Variants in BCL2L2 observed in about 807,000 individuals in gnomAD.
The protein encoded by BCL2L2 is bcl-2-like protein 2.
Under a neutral mutation model 14.6 loss-of-function variants are expected in BCL2L2, and 6 were observed. That is an observed-to-expected ratio of 0.41 (90% CI 0.22 to 0.81). The LOEUF (loss-of-function observed/expected upper bound fraction) is 0.81. BCL2L2 is among the 30% of genes least tolerant of loss of function. BCL2L2 has a pLI of 0.32. For missense variants in BCL2L2, 191 were observed against 260.5 expected, an observed-to-expected ratio of 0.73 and a Z score of 1.84; for synonymous variants, 90 against 108.5, an observed-to-expected ratio of 0.83 and a Z score of 1.06.
chr14:23,307,811 C>T lies in BCL2L2; in HGVS notation c.44C>T (p.Ala15Val). Residue 15 changes from alanine to valine, a missense_variant, in exon 3 of 4, where the codon GCA becomes GTA. Coordinates refer to ENST00000250405, the MANE Select transcript of BCL2L2 (RefSeq NM_004050.5). ...ASAPDTRALV[A>V]DFVGYKLRQK... ...GCCCCAGACACACGGGCTCTGGTGG[C>T]AGACTTTGTAGGTTATAAGCTGAGG... 6.4e-7 allele frequency: 1 copy of T among 1,551,124 alleles called. No individual in the cohort carries two copies. The highest frequency in any genetic ancestry group is 8.7e-7 in the Non-Finnish European group (1 of 1,150,602).
At position 23,309,092 on chromosome 14, in the gene BCL2L2, G is replaced by C; in HGVS notation, c.*127G>C. 8.0e-7 allele frequency: 1 copy of C among 1,256,690 alleles called. No individual in the cohort carries two copies. Among genetic ancestry groups the C allele is most frequent in the East Asian group, 3.1e-5 (1 of 32,410 alleles). The allele number at this position is 1,256,690 out of a possible 1,614,324, so 77.8% of individuals were successfully genotyped here. ...CATGGAACAGGATGGGCAGAGAAAG[G>C]GTAGTGTGTGAGGGAGCTGAGTAGG... On this transcript the variant is annotated 3_prime_UTR_variant, in exon 4 of 4. Coordinates refer to ENST00000250405, the MANE Select transcript of BCL2L2 (RefSeq NM_004050.5).
Position 23,311,055 on chromosome 14 carries a change from A to T in BCL2L2, c.*2090A>T. The T allele has an allele frequency of 7.8e-7, 1 of 1,289,424 alleles. No individual in the cohort carries two copies. The highest frequency in any genetic ancestry group is 1.0e-6 in the Non-Finnish European group (1 of 988,710). The allele number at this position is 1,289,424 out of a possible 1,614,324, so 79.9% of individuals were successfully genotyped here. ...TTCCCCGGGACCTTTAGCCAAGAGG[A>T]GCTGCAGGGACCATGGCCAGGTTAC... On this transcript the variant is annotated 3_prime_UTR_variant, in exon 4 of 4. Transcript: ENST00000250405.
rs1008212938 is a variant in BCL2L2 at position 23,308,706 on chromosome 14, G to A, written c.433-110G>A. 3.3e-6 allele frequency: 3 copies of A among 912,492 alleles called. No individual in the cohort carries two copies. Among genetic ancestry groups the A allele is most frequent in the Non-Finnish European group, 4.5e-6 (3 of 660,390 alleles). The allele number at this position is 912,492 out of a possible 1,614,324, so 56.5% of individuals were successfully genotyped here. On this transcript the variant is annotated intron_variant, in intron 3 of 3. Transcript: ENST00000250405. This position sits in a 1 kb window ranked among gnomAD's most constrained non-coding sequence, Gnocchi z 5.4. ...CCAGAGAGGAGCTGGGTATGGGGTA[G>A]TGCTCGCAGTGGATGGAACTGGAAC...
In BCL2L2 at chr14:23,310,813, A is replaced by G. The variant is rs1887566364; in HGVS notation, c.*1848A>G. 2 of 1,205,174 alleles carry G rather than the reference A, an allele frequency of 1.7e-6. No homozygotes were observed. The highest frequency in any genetic ancestry group is 1.1e-4 in the East Asian group (2 of 17,474). The allele number at this position is 1,205,174 out of a possible 1,614,324, so 74.7% of individuals were successfully genotyped here. A position where few individuals can be genotyped will look rare whatever the true frequency, so the allele number is the denominator to read the frequency against. ...GGGTGGGGAGCTGAGCAGGCTGGGC[A>G]ATTTGCCCTCAAACAGAACAGCTCC... On this transcript the variant is annotated 3_prime_UTR_variant, in exon 4 of 4. Coordinates refer to ENST00000250405, the MANE Select transcript of BCL2L2 (RefSeq NM_004050.5).
Position 23,307,766 on chromosome 14 carries a change from G to T in BCL2L2, c.-2G>T. 1 of 1,521,246 alleles carries T rather than the reference G, an allele frequency of 6.6e-7. No homozygotes were observed. The highest frequency in any genetic ancestry group is 8.8e-7 in the Non-Finnish European group (1 of 1,136,122). 94.2% of individuals were successfully genotyped at this position (1,521,246 alleles called of 1,614,324 possible). On this transcript the variant is annotated 5_prime_UTR_variant, in exon 3 of 4. Coordinates refer to ENST00000250405, the MANE Select transcript of BCL2L2 (RefSeq NM_004050.5). The stretch of plus-strand genomic sequence containing the variant: ...TCATCCTTGCCTCTTATAGCCGCCC[G>T]GATGGCGACCCCAGCCTCGGCCCCA...
chr14:23,308,270 T>A lies in BCL2L2; in HGVS notation c.432+71T>A. 2.0e-6 allele frequency: 3 copies of A among 1,487,138 alleles called. No homozygotes were observed. Among genetic ancestry groups the A allele is most frequent in the Non-Finnish European group, 2.7e-6 (3 of 1,123,842 alleles). The allele number at this position is 1,487,138 out of a possible 1,614,324, so 92.1% of individuals were successfully genotyped here. A position where few individuals can be genotyped will look rare whatever the true frequency, so the allele number is the denominator to read the frequency against. ...TGGTCTCCAGGGGGAAGATGGGGGC[T>A]CTGATTGGAGGCTGAGGCAGCTATG... On this transcript the variant is annotated intron_variant, in intron 3 of 3. Coordinates refer to ENST00000250405, the MANE Select transcript of BCL2L2 (RefSeq NM_004050.5). This position sits in a 1 kb window ranked among gnomAD's most constrained non-coding sequence, Gnocchi z 5.4.
In BCL2L2 at chr14:23,311,577, C is replaced by T. The variant is rs142892590; in HGVS notation, c.*2612C>T. 38 of 985,172 alleles carry T rather than the reference C, an allele frequency of 3.9e-5. No individual in the cohort carries two copies. In the African/African-American group the frequency reaches 4.2e-4, roughly 11 times the overall value. 61.0% of individuals were successfully genotyped at this position (985,172 alleles called of 1,614,324 possible). A position where few individuals can be genotyped will look rare whatever the true frequency, so the allele number is the denominator to read the frequency against. On this transcript the variant is annotated 3_prime_UTR_variant, in exon 4 of 4. Transcript: ENST00000250405. ...ATTTTACTTTTTTAAAATCATAAAA[C>T]GGCAGAACAGATTTGGTTAGTTTAG... is the stretch of plus-strand genomic sequence containing the variant.
At chr14:23,307,555 T>C (rs1887309641) in intron 2 of BCL2L2, among the ~76,000 whole-genome samples, 1 of 152,230 alleles carries the variant, frequency 6.6e-6, no homozygotes, top group South Asian at 2.1e-4. Flanking sequence ...ACATTTAATT[T>C]GGCATATTAG....
Position 23,309,212 on chromosome 14 carries a change from G to T in BCL2L2, c.*247G>T. 8.5e-7 allele frequency: 1 copy of T among 1,170,362 alleles called. No homozygotes were observed. Among genetic ancestry groups the T allele is most frequent in the Non-Finnish European group, 1.1e-6 (1 of 948,996 alleles). The allele number at this position is 1,170,362 out of a possible 1,614,324, so 72.5% of individuals were successfully genotyped here. ...CAGGAGATGTAGTCGTTCCAGGGCT[G>T]GGGGAGGTGGGAGGGATCACGCCTA... On this transcript the variant is annotated 3_prime_UTR_variant, in exon 4 of 4. Coordinates refer to ENST00000250405, the MANE Select transcript of BCL2L2 (RefSeq NM_004050.5).
chr14:23,307,291 C>T lies in BCL2L2; in HGVS notation c.-9+12C>T, dbSNP rs1455754292. 3 of 152,834 alleles carry T rather than the reference C, an allele frequency of 2.0e-5. No homozygotes were observed. The highest frequency in any genetic ancestry group is 4.4e-5 in the Non-Finnish European group (3 of 68,514). The allele number at this position is 152,834 out of a possible 1,614,324, so 9.5% of individuals were successfully genotyped here. On this transcript the variant is annotated intron_variant, in intron 2 of 3. Transcript: ENST00000250405. ...GCCATCCCGGCTGGGTGAGTGTCTC[C>T]TTCCTTTCTCTGTCTGGAGTAACCC...
intron 2 of BCL2L2, 67 bp from the exon 3 acceptor site, chr14:23,307,693 C>T: frequency 6.6e-7 from 1 of 1,505,498 alleles, no homozygotes; most frequent in African/African-American, 1.4e-5. Context: ...GTTGGTCAAA[C>T]CAGAAGTGCT....
Position 23,310,611 on chromosome 14 carries a change from A to C in BCL2L2, c.*1646A>C, listed in dbSNP as rs912391296. The C allele has an allele frequency of 4.6e-6, 5 of 1,091,496 alleles. No homozygotes were observed. In the African/African-American group the frequency reaches 8.6e-5, roughly 19 times the overall value. 67.6% of individuals were successfully genotyped at this position (1,091,496 alleles called of 1,614,324 possible). On this transcript the variant is annotated 3_prime_UTR_variant, in exon 4 of 4. Coordinates refer to ENST00000250405, the MANE Select transcript of BCL2L2 (RefSeq NM_004050.5). ...GGGGAGGTGGTAGGCTGCATGTGCC[A>C]CTTGGTCTTGTTGTGAGTATGCTGA...
At position 23,309,661 on chromosome 14, in the gene BCL2L2, T is replaced by C; in HGVS notation, c.*696T>C. 1 of 985,648 alleles carries C rather than the reference T, an allele frequency of 1.0e-6. No individual in the cohort carries two copies. Among genetic ancestry groups the C allele is most frequent in the Non-Finnish European group, 1.2e-6 (1 of 830,064 alleles). 61.1% of individuals were successfully genotyped at this position (985,648 alleles called of 1,614,324 possible). ...TCTGCTGCTTCTTTCCAGAAAGTGA[T>C]TGGCAAGGCTTTGGAGAGAAGAGCA... On this transcript the variant is annotated 3_prime_UTR_variant, in exon 4 of 4. Transcript: ENST00000250405.
chr14:23,309,486 G>T lies in BCL2L2; in HGVS notation c.*521G>T. ...GCTGGGCTGCCTGGCAAATCTGGTG[G>T]TGATGGGATTCCTCAAGGAGAAAAC... On this transcript the variant is annotated 3_prime_UTR_variant, in exon 4 of 4. Coordinates refer to ENST00000250405, the MANE Select transcript of BCL2L2 (RefSeq NM_004050.5). 1 of 986,550 alleles carries T rather than the reference G, an allele frequency of 1.0e-6. No individual in the cohort carries two copies. Among genetic ancestry groups the T allele is most frequent in the Non-Finnish European group, 1.2e-6 (1 of 830,648 alleles). The allele number at this position is 986,550 out of a possible 1,614,324, so 61.1% of individuals were successfully genotyped here.
In BCL2L2 at chr14:23,308,218, G is replaced by A. The variant is rs771751066; in HGVS notation, c.432+19G>A. 3.8e-6 allele frequency: 6 copies of A among 1,593,670 alleles called. No individual in the cohort carries two copies. The Admixed American group carries it at 1.0e-4, about 28-fold the overall frequency. ...GGGCTGGGTAAGAAGCTTCTCAATT[G>A]CCGCTCTGCACATCCTTCTGCAAAG... On this transcript the variant is annotated intron_variant, in intron 3 of 3. Transcript: ENST00000250405. The surrounding 1 kb of genome is among the most constrained non-coding windows in gnomAD (Gnocchi z 5.4).
rs980927271 is a variant in BCL2L2 at position 23,310,906 on chromosome 14, A to G, written c.*1941A>G. ...ATTTGCATTAAGGGGTTTGCTGCTG[A>G]AAAAAAGTTGGAAAACCACTGACTA... On this transcript the variant is annotated 3_prime_UTR_variant, in exon 4 of 4. Transcript: ENST00000250405. The G allele has an allele frequency of 8.9e-5, 115 of 1,288,642 alleles. 1 individual carries two copies. The South Asian group carries it at 1.4e-3, about 16-fold the overall frequency. 79.8% of individuals were successfully genotyped at this position (1,288,642 alleles called of 1,614,324 possible).
Position 23,309,445 on chromosome 14 carries a change from G to C in BCL2L2, c.*480G>C. ...CTTGGACACGCGTGTGCATGTGCACGCATGCTGGTGTGCATGCTGGGCTGC... is the reference window on the plus strand; with the variant it reads ...CTTGGACACGCGTGTGCATGTGCACCCATGCTGGTGTGCATGCTGGGCTGC... On this transcript the variant is annotated 3_prime_UTR_variant, in exon 4 of 4. Transcript: ENST00000250405. The C allele has an allele frequency of 1.0e-6, 1 of 987,938 alleles. No individual in the cohort carries two copies. The highest frequency in any genetic ancestry group is 1.2e-6 in the Non-Finnish European group (1 of 831,606). The allele number at this position is 987,938 out of a possible 1,614,324, so 61.2% of individuals were successfully genotyped here. A position where few individuals can be genotyped will look rare whatever the true frequency, so the allele number is the denominator to read the frequency against.
rs1872821491 is a variant in BCL2L2 at position 23,311,022 on chromosome 14, T to C, written c.*2057T>C. 11 of 1,289,438 alleles carry C rather than the reference T, an allele frequency of 8.5e-6. No homozygotes were observed. The highest frequency in any genetic ancestry group is 1.1e-5 in the Non-Finnish European group (11 of 988,696). 79.9% of individuals were successfully genotyped at this position (1,289,438 alleles called of 1,614,324 possible). On this transcript the variant is annotated 3_prime_UTR_variant, in exon 4 of 4. Transcript: ENST00000250405. The stretch of plus-strand genomic sequence containing the variant: ...CCCTCTACCACAGGACACATATCCC[T>C]GTTAGCATTCCCCGGGACCTTTAGC...
rs1288716791 is a variant in BCL2L2 at position 23,311,545 on chromosome 14, A to G, written c.*2580A>G. On this transcript the variant is annotated 3_prime_UTR_variant, in exon 4 of 4. Transcript: ENST00000250405. ...ACTCCCCACTTATTCTAGGGCACAC[A>G]AACACTATTTTACTTTTTTAAAATC... 1 of 987,948 alleles carries G rather than the reference A, an allele frequency of 1.0e-6. No individual in the cohort carries two copies. The highest frequency in any genetic ancestry group is 6.1e-5 in the Admixed American group (1 of 16,408). The allele number at this position is 987,948 out of a possible 1,614,324, so 61.2% of individuals were successfully genotyped here.
Sources: allele counts gnomAD v4.1 joint callset (sites outside exome capture counted in the v4.1 genomes callset), GRCh38; gene constraint gnomAD v4.1.1; non-coding constraint Gnocchi (gnomAD v3.1); transcripts MANE v1.5; gene names NCBI Gene and HGNC (gene_info 2026-07-23, HGNC 2026-07-21).